Variants in ADAM10 observed in about 807,000 individuals in gnomAD.
ADAM10 encodes disintegrin and metalloproteinase domain-containing protein 10.
A neutral mutation model predicts 90.1 loss-of-function variants in ADAM10; 17 were observed. The observed-to-expected ratio is 0.19, with a 90% CI of 0.13 to 0.28. The LOEUF is 0.28. ADAM10 is among the 10% of genes least tolerant of loss of function. The pLI, the probability that ADAM10 is intolerant of heterozygous loss-of-function variation, is 1.00. For missense variants in ADAM10, 610 were observed against 914.3 expected, an observed-to-expected ratio of 0.67 and a Z score of 4.29; for synonymous variants, 310 against 298.6, an observed-to-expected ratio of 1.04 and a Z score of -0.40.
At chr15:58,630,034 A>G (rs1447465825) in intron 9 of ADAM10, among the ~76,000 whole-genome samples, 4 of 152,060 alleles carry the variant, frequency 2.6e-5, no homozygotes, top group African/African-American at 4.8e-5. Context: ...TCGGCCTCCC[A>G]AAGTGCTGGG....
intron 15 of ADAM10, 149 bp downstream of exon 15, chr15:58,599,449 C>A (rs938850149): frequency 1.0e-6 from 1 of 987,766 alleles, no homozygotes; most frequent in Non-Finnish European, 1.5e-6. Context: ...AAAAAGCACA[C>A]AAATATCAAC....
chr15:58,623,208 G>C (rs1048886455), intron 10 of ADAM10, among the ~76,000 whole-genome samples: 1 of 152,098 alleles, frequency 6.6e-6, no homozygotes, highest in African/African-American at 2.4e-5. Context: ...TTATTTATAT[G>C]TGCAATATAA....
intron 5 of ADAM10, among the ~76,000 whole-genome samples, chr15:58,652,025 C>T (rs1896700368): frequency 6.6e-6 from 1 of 152,060 alleles, no homozygotes; most frequent in African/African-American, 2.4e-5. Context: ...TTTCATATGC[C>T]TGTTTGCCAT....
chr15:58,605,432 G>A (rs1282946614), intron 14 of ADAM10, among the ~76,000 whole-genome samples: 2 of 145,688 alleles, frequency 1.4e-5, no homozygotes, highest in African/African-American at 5.5e-5. Flanking sequence ...TAGTAAGTAC[G>A]GCCACCTTTA....
chr15:58,636,389 TTTAA>T (rs1490689168), intron 8 of ADAM10, among the ~76,000 whole-genome samples: 1 of 152,170 alleles, frequency 6.6e-6, no homozygotes, highest in Non-Finnish European at 1.5e-5. Context: ...AAAGTTATGG[TTTAA>T]TTTTTTTAAA....
intron 15 of ADAM10, 123 bp from the exon 16 acceptor site, chr15:58,597,764 C>G (rs1894997864): frequency 1.1e-6 from 1 of 951,436 alleles, no homozygotes; most frequent in South Asian, 1.9e-5. Flanking sequence ...TATGGGCCAT[C>G]AATGTAATTT....
intron 11 of ADAM10, among the ~76,000 whole-genome samples, chr15:58,612,967 G>A (rs538977224): frequency 3.3e-5 from 5 of 152,136 alleles, no homozygotes; most frequent in Admixed American, 1.3e-4. Context: ...GTTACTCTAC[G>A]CATCCGCAAC....
At chr15:58,724,297 G>C (rs1021943536) in intron 1 of ADAM10, among the ~76,000 whole-genome samples, 3 of 152,010 alleles carry the variant, frequency 2.0e-5, no homozygotes, top group African/African-American at 4.8e-5. Flanking sequence ...AAAATGACAC[G>C]ATGTCCATAA....
chr15:58,628,813 ACTG>A (rs1896021936), intron 9 of ADAM10, among the ~76,000 whole-genome samples: 1 of 152,190 alleles, frequency 6.6e-6, no homozygotes, highest in African/African-American at 2.4e-5. Context: ...AAAGAAAAAG[ACTG>A]CCCAAGGACG....
Position 58,663,705 on chromosome 15 carries a change from T to C in ADAM10, c.585+1392A>G, listed in dbSNP as rs1897019284. ...TTAATATGGTATATCTCTCCATTCA[T>C]TTAAAATCAATCTTCCTTAATATTT... On this transcript the variant is annotated intron_variant, in intron 5 of 15. Transcript: ENST00000260408. Among the ~76,000 whole-genome samples the C allele has an allele frequency of 2.6e-5, 4 of 152,112 alleles. No homozygotes were observed. The South Asian group carries it at 8.3e-4, about 32-fold the overall frequency.
intron 1 of ADAM10, among the ~76,000 whole-genome samples, chr15:58,727,203 TTTCC>T (rs1899064869): frequency 7.8e-6 from 1 of 128,050 alleles, no homozygotes. Context: ...TTTTTTTTTT[TTTCC>T]CAAAAACAGC....
chr15:58,709,290 A>C (rs1898399300), intron 2 of ADAM10, among the ~76,000 whole-genome samples: 3 of 152,228 alleles, frequency 2.0e-5, no homozygotes, highest in Admixed American at 2.0e-4. Flanking sequence ...GAGCTAGGGT[A>C]CTTATCTCAC....
intron 5 of ADAM10, among the ~76,000 whole-genome samples, chr15:58,662,275 A>G (rs1429606712): frequency 3.9e-5 from 6 of 152,214 alleles, no homozygotes; most frequent in Admixed American, 3.9e-4. Context: ...GCAGGTCTGA[A>G]GTAGCTTCTA....
chr15:58,717,448 T>C (rs1898698921), intron 2 of ADAM10, 129 bp downstream of exon 2: 3 of 1,180,498 alleles, frequency 2.5e-6, no homozygotes, highest in Middle Eastern at 2.3e-4. Context: ...TATACCAAAT[T>C]CCAGTGGAAA....
chr15:58,680,549 C>T (rs1039047422), intron 3 of ADAM10, among the ~76,000 whole-genome samples: 2 of 152,098 alleles, frequency 1.3e-5, no homozygotes, highest in Non-Finnish European at 2.9e-5. Flanking sequence ...TTACACTTCT[C>T]CAGTGAAAGG....
chr15:58,743,778 G>T (rs1196393969), intron 1 of ADAM10, among the ~76,000 whole-genome samples: 3 of 150,738 alleles, frequency 2.0e-5, no homozygotes, highest in African/African-American at 4.9e-5. Context: ...CTAATTTTTT[G>T]TATTTTTAGT....
chr15:58,717,609 T>C lies in ADAM10; in HGVS notation c.174A>G (p.Gln58=), dbSNP rs567415669. The change falls in exon 2 of 16, where the codon CAA becomes CAG. Residue 58 remains glutamine (Q), a synonymous_variant. Transcript: ENST00000260408. Reference sequence around the variant, plus strand: ...GGGCATGGAAATCTAGACGTAAAAATTGGTCTTCATGTGAGACTGCTCTTT... The same window carrying C: ...GGGCATGGAAATCTAGACGTAAAAACTGGTCTTCATGTGAGACTGCTCTTT... ...RAKRAVSHED[Q]FLRLDFHAHG... 1.4e-5 allele frequency: 23 copies of C among 1,613,936 alleles called. No homozygotes were observed. In the East Asian group the frequency reaches 1.8e-4, roughly 13 times the overall value.
chr15:58,736,774 T>A (rs1899444169), intron 1 of ADAM10, among the ~76,000 whole-genome samples: 1 of 152,050 alleles, frequency 6.6e-6, no homozygotes, highest in African/African-American at 2.4e-5. Flanking sequence ...AAAAAGCCTC[T>A]ATGTAAAACT....
At chr15:58,741,680 G>A (rs527453868) in intron 1 of ADAM10, among the ~76,000 whole-genome samples, 7 of 152,208 alleles carry the variant, frequency 4.6e-5, no homozygotes, top group African/African-American at 1.2e-4. Flanking sequence ...TTACTTTCAC[G>A]TTAAACATTT....
Sources: gnomAD v4.1 joint callset for allele counts (sites outside exome capture counted in the v4.1 genomes callset) on GRCh38, gnomAD v4.1.1 for gene constraint, MANE v1.5 for transcripts, NCBI Gene and HGNC (gene_info 2026-07-23, HGNC 2026-07-21) for gene names.